DPH6: variants seen among roughly 807,000 people sequenced by gnomAD.
DPH6 encodes the protein diphthamine biosynthesis 6, also known as diphthine--ammonia ligase.
In DPH6, 33 loss-of-function variants were observed where a neutral mutation model predicts 38.2. The observed-to-expected ratio is 0.86, with a 90% CI of 0.65 to 1.15. The LOEUF is 1.15. Among genes scored for constraint, DPH6 ranks in the 50% most tolerant of loss-of-function variants. DPH6 has a pLI of 0.00. For synonymous variants in DPH6, 108 were observed against 103.0 expected (o/e 1.05, Z -0.30); for missense variants, 325 against 320.0 (o/e 1.02, Z -0.12).
intron 3 of DPH6, chr15:35,299,400 T>A: frequency 1.2e-6 from 1 of 809,444 alleles, no homozygotes; most frequent in Non-Finnish European, 2.2e-6. Context: ...ACCAGCCTTC[T>A]GTTTTTGAGT....
At chr15:35,383,976 G>A (rs982142262) in intron 6 of DPH6, among the ~76,000 whole-genome samples, 1 of 152,156 alleles carries the variant, frequency 6.6e-6, no homozygotes, top group African/African-American at 2.4e-5. Context: ...GGTCAGTTTA[G>A]GTATGTGAAG....
chr15:35,183,167 G>A, the DPH6 span, among the ~76,000 whole-genome samples: 1 of 152,100 alleles, frequency 6.6e-6, no homozygotes, highest in South Asian at 2.1e-4. Flanking sequence ...TCTTTCATGT[G>A]TTCTCTCAGC....
chr15:35,506,797 A>G (rs2054700320), intron 3 of DPH6, among the ~76,000 whole-genome samples: 1 of 152,230 alleles, frequency 6.6e-6, no homozygotes, highest in South Asian at 2.1e-4. Flanking sequence ...TTGCATTTTT[A>G]ACGAATTTTA....
chr15:35,376,804 G>T (rs1386582244), intron 7 of DPH6, among the ~76,000 whole-genome samples: 2 of 152,054 alleles, frequency 1.3e-5, no homozygotes, highest in Non-Finnish European at 2.9e-5. Flanking sequence ...TGGTGTCCAG[G>T]TTTATAGCCT....
chr15:35,545,966 G>T (rs1263573236), intron 1 of DPH6, among the ~76,000 whole-genome samples, 153 bp downstream of exon 1: 1 of 152,234 alleles, frequency 6.6e-6, no homozygotes, highest in Non-Finnish European at 1.5e-5. Flanking sequence ...GCCGGCAACA[G>T]CGAAGGCTCC....
At chr15:35,168,743 G>C in the DPH6 span, among the ~76,000 whole-genome samples, 1 of 152,076 alleles carries the variant, frequency 6.6e-6, no homozygotes, top group African/African-American at 2.4e-5. Context: ...CAGCAGCTAA[G>C]TAGGCAAGAT....
chr15:35,525,625 T>G (rs1159004651), intron 3 of DPH6, among the ~76,000 whole-genome samples: 2 of 151,980 alleles, frequency 1.3e-5, no homozygotes, highest in African/African-American at 2.4e-5. Context: ...ATAGTAAGAC[T>G]ATGACAAAAA....
intron 3 of DPH6, among the ~76,000 whole-genome samples, chr15:35,232,935 A>G (rs2051528011): frequency 2.0e-5 from 3 of 150,122 alleles, no homozygotes; most frequent in African/African-American, 7.3e-5. Context: ...AAAATACTAA[A>G]AAGAATCTAG....
At chr15:35,204,763 A>C in the DPH6 span, among the ~76,000 whole-genome samples, 1 of 151,800 alleles carries the variant, frequency 6.6e-6, no homozygotes, top group East Asian at 1.9e-4. Flanking sequence ...CCCAACATAC[A>C]AAATTTAAAA....
intron 3 of DPH6, among the ~76,000 whole-genome samples, chr15:35,470,983 A>C (rs1381192273): frequency 6.6e-6 from 1 of 152,204 alleles, no homozygotes; most frequent in East Asian, 1.9e-4. Context: ...AAAATAGAGA[A>C]ATAGAAGACC....
chr15:35,464,553 T>C (rs999688882), intron 3 of DPH6, among the ~76,000 whole-genome samples: 2 of 152,166 alleles, frequency 1.3e-5, no homozygotes, highest in Non-Finnish European at 2.9e-5. Flanking sequence ...ATCTGACAAA[T>C]ATTTTTTTCA....
rs879804254 is a variant in DPH6, at chr15:35,401,704, G to A, written c.567+9131C>T. On this transcript the variant is annotated intron_variant, in intron 6 of 8. Transcript: ENST00000256538. ...GGAGGCCAATACTTTGCCAAACCAC[G>A]ACACCAAGGTGGCTATGGTGGTTCC... 34 of 733,104 alleles carry A rather than the reference G, an allele frequency of 4.6e-5. 1 individual carries two copies. Among genetic ancestry groups the A allele is most frequent in the Non-Finnish European group, 8.0e-5 (32 of 398,430 alleles). 45.4% of individuals were successfully genotyped at this position (733,104 alleles called of 1,614,324 possible). A position where few individuals can be genotyped will look rare whatever the true frequency, so the allele number is the denominator to read the frequency against.
intron 7 of DPH6, among the ~76,000 whole-genome samples, chr15:35,374,256 A>G (rs2052751316): frequency 6.6e-6 from 1 of 152,122 alleles, no homozygotes; most frequent in Admixed American, 6.6e-5. Flanking sequence ...AAGTTCTAAT[A>G]ATGAATTATT....
downstream of DPH6, among the ~76,000 whole-genome samples, chr15:35,329,588 G>C (rs958987878): frequency 6.6e-6 from 1 of 152,162 alleles, no homozygotes; most frequent in Non-Finnish European, 1.5e-5. Flanking sequence ...GCATGAAAGA[G>C]AACAGGCAGA....
At chr15:35,365,009 T>C (rs185832891) in intron 3 of DPH6, among the ~76,000 whole-genome samples, 1 of 152,100 alleles carries the variant, frequency 6.6e-6, no homozygotes, top group Admixed American at 6.6e-5. Flanking sequence ...CTGACCTCTT[T>C]TCCAGTTCAC....
At chr15:35,207,922 A>G in the DPH6 span, among the ~76,000 whole-genome samples, 3 of 152,202 alleles carry the variant, frequency 2.0e-5, no homozygotes, top group Non-Finnish European at 4.4e-5. Context: ...ATTTAGTTAT[A>G]AGATGAGTAT....
intron 3 of DPH6, among the ~76,000 whole-genome samples, chr15:35,302,301 C>G (rs545195379): frequency 1.3e-5 from 2 of 152,264 alleles, no homozygotes; most frequent in African/African-American, 4.8e-5. Context: ...CTCTTTTCTA[C>G]TATCAAAAAT....
chr15:35,236,116 C>T (rs926605140), intron 3 of DPH6, among the ~76,000 whole-genome samples: 1 of 152,094 alleles, frequency 6.6e-6, no homozygotes, highest in Admixed American at 6.6e-5. Context: ...ATATGAGGTA[C>T]CAGATATCTG....
rs1555398585 is a variant in DPH6, at chr15:35,397,906, C to CACACACAT, written c.567+12928_567+12929insATGTGTGT. Among the ~76,000 whole-genome samples, 669 of 147,168 alleles carry CACACACAT rather than the reference C, an allele frequency of 4.5e-3. 11 individuals are homozygous for CACACACAT. The highest frequency in any genetic ancestry group is 0.014 in the African/African-American group (531 of 38,706). The stretch of plus-strand genomic sequence containing the variant: ...ACACACACACACACACACACACACA[C>CACACACAT]ACACACACAAGATTCTGAGACCTCT... On this transcript the variant is annotated intron_variant, in intron 6 of 8. Transcript: ENST00000256538.
Sources: gnomAD v4.1 joint callset for allele counts (sites outside exome capture counted in the v4.1 genomes callset) on GRCh38, gnomAD v4.1.1 for gene constraint, MANE v1.5 for transcripts, NCBI Gene and HGNC (gene_info 2026-07-23, HGNC 2026-07-21) for gene names.